TNNI3K: variants seen among roughly 807,000 people sequenced by gnomAD.
The protein encoded by TNNI3K is TNNI3 interacting kinase.
Under a neutral mutation model 114.5 loss-of-function variants are expected in TNNI3K, and 140 were observed. The ratio of observed to expected loss-of-function variants is 1.22; its 90% CI spans 1.07 to 1.41. TNNI3K has a LOEUF of 1.41. Among genes scored for constraint, TNNI3K ranks in the 40% most tolerant of loss-of-function variants. The pLI is 0.00. For missense variants in TNNI3K, 1,125 were observed against 1,007.6 expected (o/e 1.12, Z -1.58); for synonymous variants, 347 against 347.5 (o/e 1.00, Z 0.02).
In TNNI3K at chr1:74,418,019, C is replaced by T. The variant is rs529640719; in HGVS notation, c.1773-18061C>T. On this transcript the variant is annotated intron_variant, in intron 17 of 24. Coordinates refer to ENST00000326637, the MANE Select transcript of TNNI3K (RefSeq NM_015978.3). ...CAAATCCCTGATTTTATTTGGGGCA[C>T]ATTGCATCCAGCCTAGAATTTTATT... 3.7e-5 allele frequency: 9 copies of T among 240,396 alleles called. No individual in the cohort carries two copies. The East Asian group carries it at 1.2e-3, about 32-fold the overall frequency. The allele number at this position is 240,396 out of a possible 1,614,324, so 14.9% of individuals were successfully genotyped here.
At chr1:74,463,788 G>T (rs1667550264) in intron 21 of TNNI3K, among the ~76,000 whole-genome samples, 1 of 152,144 alleles carries the variant, frequency 6.6e-6, no homozygotes, top group Non-Finnish European at 1.5e-5. Flanking sequence ...GAGAGACCAG[G>T]GTATGACAGA....
intron 23 of TNNI3K, among the ~76,000 whole-genome samples, chr1:74,534,091 G>A (rs982647790): frequency 6.6e-6 from 1 of 152,096 alleles, no homozygotes. Flanking sequence ...CAAGCTAATC[G>A]ATAGAAAAGT....
chr1:74,505,704 C>T (rs1232271557), intron 23 of TNNI3K, among the ~76,000 whole-genome samples: 1 of 152,160 alleles, frequency 6.6e-6, no homozygotes, highest in East Asian at 1.9e-4. Context: ...TGTCATTTCT[C>T]ATTATCTCCT....
chr1:74,471,647 T>C, intron 21 of TNNI3K: 1 of 400,726 alleles, frequency 2.5e-6, no homozygotes, highest in African/African-American at 2.1e-5. Flanking sequence ...TTCCAAGGGG[T>C]TGATATTTTG....
intron 23 of TNNI3K, among the ~76,000 whole-genome samples, chr1:74,499,018 C>A (rs973092939): frequency 7.2e-5 from 11 of 152,110 alleles, no homozygotes; most frequent in Admixed American, 5.9e-4. Context: ...ATTTTATATT[C>A]TATTAATGTG....
chr1:74,493,563 T>C (rs1161313852), intron 23 of TNNI3K, among the ~76,000 whole-genome samples: 1 of 152,248 alleles, frequency 6.6e-6, no homozygotes, highest in Non-Finnish European at 1.5e-5. Flanking sequence ...AATGCTATAA[T>C]AATTCCGTAT....
At chr1:74,525,847 C>T (rs1164882296) in intron 23 of TNNI3K, among the ~76,000 whole-genome samples, 3 of 152,148 alleles carry the variant, frequency 2.0e-5, no homozygotes, top group Admixed American at 2.0e-4. Context: ...GGCATCACAG[C>T]ACATCACACC....
intron 23 of TNNI3K, among the ~76,000 whole-genome samples, chr1:74,539,296 T>C (rs376740724): frequency 2.0e-5 from 3 of 152,288 alleles, no homozygotes; most frequent in South Asian, 2.1e-4. Context: ...GTAACTGAAA[T>C]GGAAAGAACT....
chr1:74,365,498 T>C (rs12069877), intron 11 of TNNI3K, among the ~76,000 whole-genome samples: 10,676 of 152,062 alleles, frequency 0.07, 1,259 homozygotes, highest in African/African-American at 0.24. Flanking sequence ...GTGATTCTTA[T>C]ACATAGTAAA....
At chr1:74,325,449 C>G (rs1659845084) in intron 5 of TNNI3K, among the ~76,000 whole-genome samples, 1 of 152,116 alleles carries the variant, frequency 6.6e-6, no homozygotes, top group Admixed American at 6.6e-5. Context: ...CATTGAGGAA[C>G]TGGGAAGAGG....
chr1:74,355,179 A>G (rs996173001), intron 11 of TNNI3K, among the ~76,000 whole-genome samples: 2 of 152,210 alleles, frequency 1.3e-5, no homozygotes, highest in African/African-American at 4.8e-5. Context: ...TCTTTTTACA[A>G]TATTAAAAAT....
intron 9 of TNNI3K, among the ~76,000 whole-genome samples, chr1:74,348,135 A>G (rs1397721779): frequency 6.6e-6 from 1 of 152,136 alleles, no homozygotes; most frequent in South Asian, 2.1e-4. Flanking sequence ...TTTTAGGTCT[A>G]ACATGTAAGT....
intron 23 of TNNI3K, among the ~76,000 whole-genome samples, chr1:74,512,021 G>A (rs1040071): frequency 0.029 from 4,399 of 152,262 alleles, 95 homozygotes; most frequent in Middle Eastern, 0.085. Flanking sequence ...GAAGAGGGCA[G>A]CTTTCCTTCA....
At chr1:74,357,717 A>G (rs1661739007) in intron 11 of TNNI3K, among the ~76,000 whole-genome samples, 1 of 152,096 alleles carries the variant, frequency 6.6e-6, no homozygotes, top group Non-Finnish European at 1.5e-5. Context: ...TTCAATATTT[A>G]TCTGCCAGAG....
intron 5 of TNNI3K, among the ~76,000 whole-genome samples, chr1:74,280,943 T>C (rs182185229): frequency 2.0e-5 from 3 of 152,100 alleles, no homozygotes; most frequent in Non-Finnish European, 4.4e-5. Flanking sequence ...AGGAAGAGTA[T>C]AGAGGACTTT....
intron 17 of TNNI3K, among the ~76,000 whole-genome samples, chr1:74,391,957 A>ATTATTTTTT (rs1369570973): frequency 4.3e-5 from 4 of 93,040 alleles, no homozygotes; most frequent in African/African-American, 1.2e-4. Context: ...ACAGCTTATT[A>ATTATTTTTT]TTTTTTTTTT....
At chr1:74,446,249 G>A (rs1231899961) in intron 20 of TNNI3K, among the ~76,000 whole-genome samples, 15 of 150,922 alleles carry the variant, frequency 9.9e-5, no homozygotes, top group African/African-American at 2.9e-4. Context: ...GTGTGAGATG[G>A]TATCTCATAG....
At chr1:74,506,604 C>G (rs914320981) in intron 23 of TNNI3K, among the ~76,000 whole-genome samples, 4 of 152,190 alleles carry the variant, frequency 2.6e-5, no homozygotes, top group African/African-American at 9.7e-5. Context: ...ACTCACAGAC[C>G]AGCAGCTCTG....
Position 74,370,290 on chromosome 1 carries a change from T to C in TNNI3K, c.1670T>C (p.Ile557Thr), listed in dbSNP as rs200116854. The C allele has an allele frequency of 6.3e-6, 10 of 1,588,266 alleles. No individual in the cohort carries two copies. Among genetic ancestry groups the C allele is most frequent in the Non-Finnish European group, 7.7e-6 (9 of 1,166,464 alleles). Residue 557 changes from isoleucine to threonine, a missense_variant and splice_region_variant, in exon 17 of 25, where the codon ATT becomes ACT. By Grantham distance (89) the Ile-to-Thr change is moderately conservative (BLOSUM62 -1). Transcript: ENST00000326637. ...TTAAATCTATTTTTAAATTCTAGGA[T>C]TCTTGATTTGCAGTCTAAATTAATT... ...LFSLLHEQKR[I>T]LDLQSKLIIA...
Sources: gnomAD v4.1 joint callset for allele counts (sites outside exome capture counted in the v4.1 genomes callset) on GRCh38, gnomAD v4.1.1 for gene constraint, MANE v1.5 for transcripts, NCBI Gene and HGNC (gene_info 2026-07-23, HGNC 2026-07-21) for gene names.